Variants in SDK1 observed in about 807,000 individuals in gnomAD.
The protein encoded by SDK1 is protein sidekick-1.
A neutral mutation model predicts 245.5 loss-of-function variants in SDK1; 157 were observed. The observed-to-expected ratio is 0.64, with a 90% CI of 0.56 to 0.73. SDK1 has a LOEUF of 0.73. Ranked by LOEUF, SDK1 falls within the 30% of genes least tolerant of loss-of-function variation. The pLI, the probability that SDK1 is intolerant of heterozygous loss-of-function variation, is 0.00. For missense variants in SDK1, 3,583 were observed against 3,002.3 expected (o/e 1.19, Z -4.52); for synonymous variants, 1,647 against 1,278.5 (o/e 1.29, Z -6.15).
chr7:3,674,163 A>G (rs575598669), intron 4 of SDK1, among the ~76,000 whole-genome samples: 5 of 152,350 alleles, frequency 3.3e-5, no homozygotes, highest in Admixed American at 2.0e-4. Flanking sequence ...GTCAAGAGCT[A>G]TATCACTAAA....
At chr7:3,974,574 A>T in intron 13 of SDK1, 29 bp downstream of exon 13, 2 of 1,601,840 alleles carry the variant, frequency 1.2e-6, no homozygotes, top group Non-Finnish European at 1.7e-6. Flanking sequence ...GGTGTTAGCC[A>T]GTCCGCGGTT....
At chr7:3,631,705 A>G (rs186337182) in intron 2 of SDK1, among the ~76,000 whole-genome samples, 6 of 152,338 alleles carry the variant, frequency 3.9e-5, no homozygotes, top group Admixed American at 3.3e-4. Flanking sequence ...CTGAGGCAGA[A>G]TTAGCATTAG....
chr7:3,857,141 G>A (rs1044931895), intron 5 of SDK1, among the ~76,000 whole-genome samples: 1 of 151,982 alleles, frequency 6.6e-6, no homozygotes, highest in East Asian at 1.9e-4. Context: ...TCTAAATAGA[G>A]GAAATCTAAC....
intron 5 of SDK1, among the ~76,000 whole-genome samples, chr7:3,883,891 A>G (rs1781269018): frequency 6.6e-6 from 1 of 152,124 alleles, no homozygotes; most frequent in African/African-American, 2.4e-5. Flanking sequence ...CATGGCCTCA[A>G]TATTCCTACT....
intron 1 of SDK1, among the ~76,000 whole-genome samples, chr7:3,595,828 C>CAAAAAAAA: frequency 1.9e-5 from 1 of 54,034 alleles, no homozygotes; most frequent in Admixed American, 3.2e-4. Flanking sequence ...GACTTCATCT[C>CAAAAAAAA]AAAAAAAAAA....
At chr7:3,484,615 C>G (rs1462882176) in intron 1 of SDK1, among the ~76,000 whole-genome samples, 2 of 152,186 alleles carry the variant, frequency 1.3e-5, no homozygotes, top group African/African-American at 2.4e-5. Context: ...TTCCTTTCCT[C>G]TAACTGTGGT....
Position 3,606,659 on chromosome 7 carries a change from G to C in SDK1, c.299-12421G>C, listed in dbSNP as rs193294533. Among the ~76,000 whole-genome samples, 26 of 152,184 alleles carry C rather than the reference G, an allele frequency of 1.7e-4. 1 individual carries two copies. The highest frequency in any genetic ancestry group is 4.4e-5 in the Non-Finnish European group (3 of 68,000). On this transcript the variant is annotated intron_variant, in intron 1 of 44. Coordinates refer to ENST00000404826, the MANE Select transcript of SDK1 (RefSeq NM_152744.4). ...CCTGAGTGCATGACTCTCTTCATCA[G>C]CTGCTTCCCTTTCTTACTCAGATAC...
chr7:3,453,517 CAGAG>C (rs1388767868), intron 1 of SDK1, among the ~76,000 whole-genome samples: 7 of 152,098 alleles, frequency 4.6e-5, no homozygotes, highest in African/African-American at 9.7e-5. Flanking sequence ...GAGAGAGACA[CAGAG>C]GGAGGGGAAG....
Position 3,646,531 on chromosome 7 carries a change from A to G in SDK1, c.713+4426A>G, listed in dbSNP as rs576436844. On this transcript the variant is annotated intron_variant, in intron 4 of 44. Transcript: ENST00000404826. ...AATGGAAGATTATGGATGTTAAATT[A>G]CTTACCCCAGGGCCCCCAGCCAATA... Among the ~76,000 whole-genome samples the G allele has an allele frequency of 1.3e-4, 20 of 152,316 alleles. No individual in the cohort carries two copies. In the South Asian group the frequency reaches 3.9e-3, roughly 30 times the overall value.
chr7:4,005,393 A>AGTGTGTGTGTGTGTGTGT (rs71032920), intron 14 of SDK1, among the ~76,000 whole-genome samples: 5 of 129,910 alleles, frequency 3.8e-5, no homozygotes, highest in South Asian at 2.8e-4. Context: ...TTCTTATGTG[A>AGTGTGTGTGTGTGTGTGT]GTGTGTGTGT....
chr7:3,427,827 T>TTGTCTCTTAGATATCGTTAG lies in SDK1; in HGVS notation c.298+125955_298+125956insATCGTTAGTGTCTCTTAGAT, dbSNP rs1562480394. On this transcript the variant is annotated intron_variant, in intron 1 of 44. Transcript: ENST00000404826. ...ACCAAGCTCCTGTGGCTGCACATCA[T>TTGTCTCTTAGATATCGTTAG]TGTCTCTTAGATGTCGTTAGTGTCT... Among the ~76,000 whole-genome samples, 593 of 149,672 alleles carry TTGTCTCTTAGATATCGTTAG rather than the reference T, an allele frequency of 4.0e-3. 46 individuals carry two copies. The highest frequency in any genetic ancestry group is 7.2e-3 in the African/African-American group (293 of 40,580).
chr7:3,553,065 C>T (rs937266056), intron 1 of SDK1, among the ~76,000 whole-genome samples: 2 of 151,990 alleles, frequency 1.3e-5, no homozygotes, highest in African/African-American at 4.8e-5. Context: ...TACTCCTCAT[C>T]CTACCATCTA....
chr7:3,776,065 C>A (rs746857217), intron 4 of SDK1, among the ~76,000 whole-genome samples: 5 of 152,204 alleles, frequency 3.3e-5, no homozygotes, highest in Non-Finnish European at 2.9e-5. Flanking sequence ...CATCACCTAC[C>A]ACGCATCAAA....
intron 1 of SDK1, among the ~76,000 whole-genome samples, chr7:3,512,376 C>G (rs181157596): frequency 6.9e-4 from 105 of 152,270 alleles, no homozygotes; most frequent in Non-Finnish European, 1.1e-3. Flanking sequence ...TGAAGAATAT[C>G]TTGGTTGCTT....
At chr7:3,786,284 CTGTT>C (rs2115017743) in intron 4 of SDK1, among the ~76,000 whole-genome samples, 1 of 152,306 alleles carries the variant, frequency 6.6e-6, no homozygotes, top group East Asian at 1.9e-4. Flanking sequence ...TAAGTAATCT[CTGTT>C]TTCCACTTGT....
At chr7:3,777,910 C>G (rs907223171) in intron 4 of SDK1, among the ~76,000 whole-genome samples, 1 of 152,082 alleles carries the variant, frequency 6.6e-6, no homozygotes, top group Non-Finnish European at 1.5e-5. Context: ...TTCTTCTCCC[C>G]TAATTATAAA....
chr7:3,334,062 A>G (rs1780137185), intron 1 of SDK1, among the ~76,000 whole-genome samples: 1 of 152,188 alleles, frequency 6.6e-6, no homozygotes, highest in Admixed American at 6.5e-5. Flanking sequence ...ACCCAGTTGG[A>G]CCATACCATT....
At chr7:4,118,835 A>G (rs1312434277) in intron 25 of SDK1, among the ~76,000 whole-genome samples, 2 of 149,144 alleles carry the variant, frequency 1.3e-5, no homozygotes, top group South Asian at 4.4e-4. Flanking sequence ...AAGAGACCAC[A>G]TATTGTGTGA....
chr7:3,536,658 C>T (rs1269607403), intron 1 of SDK1, among the ~76,000 whole-genome samples: 3 of 151,578 alleles, frequency 2.0e-5, no homozygotes, highest in Admixed American at 1.3e-4. Flanking sequence ...TGTGCCACTC[C>T]ACTCCAGCCT....
Sources: gnomAD v4.1 joint callset for allele counts (sites outside exome capture counted in the v4.1 genomes callset) on GRCh38, gnomAD v4.1.1 for gene constraint, MANE v1.5 for transcripts, NCBI Gene and HGNC (gene_info 2026-07-23, HGNC 2026-07-21) for gene names.